CAST: variants seen among roughly 807,000 people sequenced by gnomAD.
CAST encodes the protein MIR583 host.
A neutral mutation model predicts 119.6 loss-of-function variants in CAST; 76 were observed. The observed-to-expected ratio is 0.64, with a 90% CI of 0.53 to 0.77. CAST has a LOEUF of 0.77. Ranked by LOEUF, CAST falls within the 30% of genes least tolerant of loss-of-function variation. CAST has a pLI of 0.00. For synonymous variants in CAST, 319 were observed against 331.6 expected (o/e 0.96, Z 0.41); for missense variants, 953 against 946.5 (o/e 1.01, Z -0.09).
chr5:96,347,768 C>G, the CAST span, among the ~76,000 whole-genome samples: 1 of 152,120 alleles, frequency 6.6e-6, no homozygotes, highest in African/African-American at 2.4e-5. Flanking sequence ...TCTGAAGGGT[C>G]ATTGGGAGCA....
At chr5:96,662,571 C>G in intron 1 of CAST, 74 bp downstream of exon 1, 3 of 1,308,156 alleles carry the variant, frequency 2.3e-6, no homozygotes, top group Non-Finnish European at 2.9e-6. Flanking sequence ...GCCGCCCTCC[C>G]TGGGCGTTGC....
the CAST span, among the ~76,000 whole-genome samples, chr5:96,243,424 C>T: frequency 2.6e-5 from 4 of 151,638 alleles, no homozygotes; most frequent in African/African-American, 7.3e-5. Context: ...TTTGTGGAGT[C>T]AGAAAAGTTA....
upstream of CAST, among the ~76,000 whole-genome samples, chr5:96,521,855 C>T (rs981582311): frequency 6.6e-6 from 1 of 152,094 alleles, no homozygotes; most frequent in Non-Finnish European, 1.5e-5. Flanking sequence ...GCGGTGGCTC[C>T]GGACTGTAAT....
the CAST span, chr5:96,408,305 T>C: frequency 6.2e-7 from 1 of 1,613,820 alleles, no homozygotes; most frequent in Non-Finnish European, 8.5e-7. Flanking sequence ...GTGCAGTCAT[T>C]GTGCAGGTCA....
chr5:96,411,471 A>G, the CAST span, among the ~76,000 whole-genome samples: 4 of 152,220 alleles, frequency 2.6e-5, no homozygotes, highest in African/African-American at 7.2e-5. Flanking sequence ...TGATTTTTCA[A>G]TTTGTGCTCT....
chr5:95,993,406 C>T, the CAST span, among the ~76,000 whole-genome samples: 2 of 152,092 alleles, frequency 1.3e-5, no homozygotes, highest in Non-Finnish European at 2.9e-5. Flanking sequence ...TGATTTTGTA[C>T]TGCAAGGGAC....
At chr5:96,551,680 C>A (rs1746129493) in intron 1 of CAST, among the ~76,000 whole-genome samples, 1 of 151,776 alleles carries the variant, frequency 6.6e-6, no homozygotes, top group Admixed American at 6.6e-5. Context: ...ACCTATCTCG[C>A]ATGCAAAGAC....
the CAST span, among the ~76,000 whole-genome samples, chr5:96,264,161 A>G: frequency 2.0e-5 from 3 of 152,240 alleles, no homozygotes; most frequent in Non-Finnish European, 4.4e-5. Context: ...TCCTCTGTCA[A>G]TGTCTTCTGA....
the CAST span, among the ~76,000 whole-genome samples, chr5:96,511,976 A>T: frequency 6.6e-6 from 1 of 152,246 alleles, no homozygotes; most frequent in Non-Finnish European, 1.5e-5. Flanking sequence ...ATTGAAAACC[A>T]TATGAGACTA....
chr5:96,457,969 G>A, the CAST span, among the ~76,000 whole-genome samples: 5 of 152,084 alleles, frequency 3.3e-5, no homozygotes. Flanking sequence ...GAAGGATGAC[G>A]TATATTTACA....
the CAST span, among the ~76,000 whole-genome samples, chr5:96,494,911 C>A: frequency 0.97 from 147,573 of 152,026 alleles, 71,779 homozygotes; most frequent in East Asian, 1. Context: ...AGGTCAGGAG[C>A]TCGAGACCAT....
chr5:96,286,788 C>G, the CAST span, among the ~76,000 whole-genome samples: 6 of 152,036 alleles, frequency 3.9e-5, no homozygotes, highest in African/African-American at 1.4e-4. Context: ...TATTTATTAT[C>G]ATTTTTCTGC....
intron 1 of CAST, among the ~76,000 whole-genome samples, chr5:96,534,872 A>G (rs547223357): frequency 0.04 from 981 of 24,360 alleles, 31 homozygotes; most frequent in African/African-American, 0.099. Context: ...AAGGAAGGAG[A>G]AAGAAAGAAA....
At chr5:96,158,057 C>A in the CAST span, among the ~76,000 whole-genome samples, 1 of 150,056 alleles carries the variant, frequency 6.7e-6, no homozygotes, top group Non-Finnish European at 1.5e-5. Flanking sequence ...TTACACCCCC[C>A]CAAAACAAAC....
rs556817973 is a variant in CAST at position 96,718,887 on chromosome 5, C to T, written c.211-3752C>T. On this transcript the variant is annotated intron_variant, in intron 3 of 31. Coordinates refer to ENST00000675179, the MANE Select transcript of CAST (RefSeq NM_001750.7). ...CTGTCATGAGGAGAAAGAATTCTGACGCATCCGATGCCCCACTCTGTGCCA... is the reference window on the plus strand; with the variant it reads ...CTGTCATGAGGAGAAAGAATTCTGATGCATCCGATGCCCCACTCTGTGCCA... 6.6e-5 allele frequency among the ~76,000 whole-genome samples: 10 copies of T among 152,148 alleles called. No individual in the cohort carries two copies. In the South Asian group the frequency reaches 1.0e-3, roughly 16 times the overall value.
chr5:96,146,698 A>G, the CAST span, among the ~76,000 whole-genome samples: 1 of 151,988 alleles, frequency 6.6e-6, no homozygotes, highest in Non-Finnish European at 1.5e-5. Flanking sequence ...TTTTTTTGTC[A>G]GGGTAACTAA....
the CAST span, among the ~76,000 whole-genome samples, chr5:96,021,493 T>A: frequency 2.6e-5 from 4 of 152,228 alleles, no homozygotes; most frequent in African/African-American, 9.6e-5. Context: ...TTGCCCAGGC[T>A]GGAGTGCAGT....
At chr5:96,665,733 C>G (rs191402102) in intron 1 of CAST, among the ~76,000 whole-genome samples, 1 of 151,056 alleles carries the variant, frequency 6.6e-6, no homozygotes, top group East Asian at 1.9e-4. Context: ...ATAACACACA[C>G]ACACACACAT....
intron 25 of CAST, among the ~76,000 whole-genome samples, chr5:96,764,699 T>C (rs1457960217): frequency 2.6e-5 from 4 of 152,134 alleles, no homozygotes; most frequent in African/African-American, 9.7e-5. Flanking sequence ...AATGCACCCC[T>C]CAAGATCTTA....
Sources: gnomAD v4.1 joint callset for allele counts (sites outside exome capture counted in the v4.1 genomes callset) on GRCh38, gnomAD v4.1.1 for gene constraint, MANE v1.5 for transcripts, NCBI Gene and HGNC (gene_info 2026-07-23, HGNC 2026-07-21) for gene names.